The following SLC35F3 variants were observed in gnomAD, a reference collection of about 807,000 sequenced individuals.
SLC35F3 encodes solute carrier family 35 member F3, also known as putative thiamine transporter SLC35F3.
In SLC35F3, 25 loss-of-function variants were observed where a neutral mutation model predicts 49.9. The ratio of observed to expected loss-of-function variants is 0.50; its 90% confidence interval spans 0.37 to 0.70. The LOEUF is 0.70. Among genes scored for constraint, SLC35F3 ranks in the 30% least tolerant of loss-of-function variants. SLC35F3 has a pLI of 0.00. For synonymous variants in SLC35F3, 275 were observed against 265.4 expected (o/e 1.04, Z -0.35); for missense variants, 525 against 639.8 (o/e 0.82, Z 1.94).
intron 2 of SLC35F3, among the ~76,000 whole-genome samples, chr1:234,052,211 T>A (rs1664387794): frequency 6.6e-6 from 1 of 152,236 alleles, no homozygotes; most frequent in Non-Finnish European, 1.5e-5. Flanking sequence ...TCAGAAGGAA[T>A]GGTACCAGCT....
intron 2 of SLC35F3, among the ~76,000 whole-genome samples, chr1:234,055,830 G>C (rs1558216495): frequency 6.6e-6 from 1 of 152,096 alleles, no homozygotes; most frequent in Non-Finnish European, 1.5e-5. Flanking sequence ...TCTTTTACTA[G>C]GCTTCTTCTT....
chr1:234,081,904 ATTTTTTTT>A (rs781469880), intron 2 of SLC35F3, among the ~76,000 whole-genome samples: 37 of 39,232 alleles, frequency 9.4e-4, no homozygotes, highest in African/African-American at 3.8e-3. Flanking sequence ...TGCCTGGCTA[ATTTTTTTT>A]TTTTTTTTTT....
At chr1:234,168,832 C>T (rs1407796673) in intron 2 of SLC35F3, among the ~76,000 whole-genome samples, 9 of 152,214 alleles carry the variant, frequency 5.9e-5, no homozygotes, top group South Asian at 4.1e-4. Context: ...CACAGCGAAA[C>T]GACCCCAGCC....
At chr1:234,032,322 G>A (rs1664076121) in intron 2 of SLC35F3, among the ~76,000 whole-genome samples, 1 of 151,772 alleles carries the variant, frequency 6.6e-6, no homozygotes, top group African/African-American at 2.4e-5. Flanking sequence ...ATTCTTTCAT[G>A]AGCAACCTTT....
intron 2 of SLC35F3, among the ~76,000 whole-genome samples, chr1:233,914,720 GTACT>G (rs892384965): frequency 3.9e-5 from 6 of 152,162 alleles, no homozygotes; most frequent in African/African-American, 1.4e-4. Context: ...GCTGGATGAA[GTACT>G]TACTTGTCCC....
intron 2 of SLC35F3, among the ~76,000 whole-genome samples, chr1:233,942,773 A>G (rs942185502): frequency 4.6e-5 from 7 of 152,196 alleles, no homozygotes; most frequent in Admixed American, 2.0e-4. Context: ...TCTAGGCTCT[A>G]TGTTGTACAG....
At chr1:234,047,164 C>G (rs1053085014) in intron 2 of SLC35F3, among the ~76,000 whole-genome samples, 1 of 152,196 alleles carries the variant, frequency 6.6e-6, no homozygotes, top group African/African-American at 2.4e-5. Context: ...ATAATGAGTT[C>G]TCTAATATGT....
At chr1:234,065,337 C>T (rs950327633) in intron 2 of SLC35F3, among the ~76,000 whole-genome samples, 3 of 152,052 alleles carry the variant, frequency 2.0e-5, no homozygotes, top group Non-Finnish European at 2.9e-5. Flanking sequence ...TTAGTAGAAA[C>T]GCGGTTTCAC....
rs563948315 is a variant in SLC35F3, at chr1:233,964,072, T to A, written c.283+58314T>A. Among the ~76,000 whole-genome samples the A allele has an allele frequency of 2.6e-5, 4 of 152,286 alleles. No homozygotes were observed. In the East Asian group the frequency reaches 7.7e-4, roughly 29 times the overall value. ...AACTTTTCAAAGTGCCTCTGGAAGGTCCTTGTCATTGGGACCTCCTAATAC... is the reference window on the plus strand; with the variant it reads ...AACTTTTCAAAGTGCCTCTGGAAGGACCTTGTCATTGGGACCTCCTAATAC... On this transcript the variant is annotated intron_variant, in intron 2 of 7. Coordinates refer to ENST00000366618, the MANE Select transcript of SLC35F3 (RefSeq NM_173508.4).
chr1:233,949,329 G>A (rs1662566442), intron 2 of SLC35F3, among the ~76,000 whole-genome samples: 2 of 152,192 alleles, frequency 1.3e-5, no homozygotes, highest in African/African-American at 4.8e-5. Context: ...CCTTCCTGGT[G>A]TGCCAGGAGT....
chr1:233,930,980 C>G (rs576531348), intron 2 of SLC35F3, among the ~76,000 whole-genome samples: 1 of 152,074 alleles, frequency 6.6e-6, no homozygotes, highest in Non-Finnish European at 1.5e-5. Flanking sequence ...TCAGAAATAA[C>G]ACCACACATC....
At chr1:234,075,334 T>C (rs139421011) in intron 2 of SLC35F3, among the ~76,000 whole-genome samples, 36 of 152,278 alleles carry the variant, frequency 2.4e-4, no homozygotes, top group Non-Finnish European at 3.4e-4. Flanking sequence ...GCCCTTCACC[T>C]CATTATGGGG....
chr1:234,111,305 TTA>T lies in SLC35F3; in HGVS notation c.284-120110_284-120109del, dbSNP rs1665402337. On this transcript the variant is annotated intron_variant, in intron 2 of 7. Transcript: ENST00000366618. ...CCTGTATTTTTTGTTTTGTTTTGTT[TTA>T]TGAGACGGAGTTTCGCTCTTTTTGC... Among the ~76,000 whole-genome samples the T allele has an allele frequency of 3.3e-5, 5 of 152,178 alleles. No individual in the cohort carries two copies. The South Asian group carries it at 1.0e-3, about 32-fold the overall frequency.
chr1:234,018,053 C>A (rs945880464), intron 2 of SLC35F3, among the ~76,000 whole-genome samples: 13 of 151,732 alleles, frequency 8.6e-5, no homozygotes, highest in Admixed American at 8.5e-4. Context: ...CACTTGTTTA[C>A]AATATGGGAG....
At chr1:234,076,468 T>G (rs1237890908) in intron 2 of SLC35F3, among the ~76,000 whole-genome samples, 1 of 151,720 alleles carries the variant, frequency 6.6e-6, no homozygotes, top group Non-Finnish European at 1.5e-5. Context: ...ATAATAATTT[T>G]TTTTTTTTTT....
intron 2 of SLC35F3, among the ~76,000 whole-genome samples, chr1:234,144,631 G>A (rs1442298963): frequency 1.3e-5 from 2 of 152,146 alleles, no homozygotes; most frequent in Non-Finnish European, 2.9e-5. Flanking sequence ...AATTCTTGTA[G>A]CAGTTAAACA....
intron 3 of SLC35F3, among the ~76,000 whole-genome samples, chr1:234,249,548 G>T (rs982797613): frequency 5.3e-5 from 8 of 152,198 alleles, no homozygotes; most frequent in Non-Finnish European, 1.0e-4. Context: ...GAGGAGAGGG[G>T]TGGTCACTGG....
chr1:234,209,840 G>GA (rs903140030), intron 2 of SLC35F3, among the ~76,000 whole-genome samples: 18 of 150,024 alleles, frequency 1.2e-4, no homozygotes, highest in African/African-American at 3.4e-4. Context: ...AGCTGCATGT[G>GA]AAAAAAAAAG....
chr1:234,108,292 TAAAGATATATATTTATATATATA>T (rs1665319712), intron 2 of SLC35F3, among the ~76,000 whole-genome samples: 1 of 61,738 alleles, frequency 1.6e-5, no homozygotes, highest in South Asian at 5.9e-4. Flanking sequence ...TATTTATATA[TAAAGATATATATTTATATATATA>T]AAAGATATAT....
Sources: gnomAD v4.1 joint callset for allele counts (sites outside exome capture counted in the v4.1 genomes callset) on GRCh38, gnomAD v4.1.1 for gene constraint, MANE v1.5 for transcripts, NCBI Gene and HGNC (gene_info 2026-07-23, HGNC 2026-07-21) for gene names.